KIF20B: variants seen among roughly 807,000 people sequenced by gnomAD.
KIF20B encodes the protein kinesin-like protein KIF20B.
A neutral mutation model predicts 232.5 loss-of-function variants in KIF20B; 188 were observed. The observed-to-expected ratio is 0.81, with a 90% confidence interval of 0.72 to 0.91. The LOEUF is 0.91. Among genes scored for constraint, KIF20B ranks in the 40% least tolerant of loss-of-function variants. The pLI is 0.00. For synonymous variants in KIF20B, 712 were observed against 683.0 expected (o/e 1.04, Z -0.66); for missense variants, 2,154 against 2,055.9 (o/e 1.05, Z -0.92).
At chr10:89,721,559 A>T (rs538658384) in intron 13 of KIF20B, among the ~76,000 whole-genome samples, 8 of 152,250 alleles carry the variant, frequency 5.3e-5, no homozygotes, top group Middle Eastern at 3.4e-3. Context: ...AGTCCCAGCT[A>T]CTTGGGAGGC....
chr10:89,762,960 A>G, intron 29 of KIF20B, 125 bp downstream of exon 29: 1 of 672,950 alleles, frequency 1.5e-6, no homozygotes, highest in Non-Finnish European at 2.6e-6. Context: ...CAAAATCACA[A>G]TTTATGCTAT....
intron 26 of KIF20B, among the ~76,000 whole-genome samples, chr10:89,754,999 T>A (rs971637081): frequency 2.0e-5 from 3 of 152,224 alleles, no homozygotes; most frequent in African/African-American, 7.2e-5. Flanking sequence ...AACTGTAGAT[T>A]CTAATACTGT....
chr10:89,725,366 G>GTT lies in KIF20B; in HGVS notation c.2001+209_2001+210dup, dbSNP rs1554850268. Among the ~76,000 whole-genome samples the GTT allele has an allele frequency of 5.6e-5, 8 of 142,050 alleles. No homozygotes were observed. In the East Asian group the frequency reaches 6.3e-4, roughly 11 times the overall value. The allele number at this position is 142,050 out of a possible 152,430, so 93.2% of individuals were successfully genotyped here. A position where few individuals can be genotyped will look rare whatever the true frequency, so the allele number is the denominator to read the frequency against. On this transcript the variant is annotated intron_variant, in intron 15 of 32. Transcript: ENST00000371728. ...TTGGTTTTGAAAAATTTATACCTCTGTTATATATATATATATCTTATTTTG... is the reference window on the plus strand; with the variant it reads ...TTGGTTTTGAAAAATTTATACCTCTGTTTTATATATATATATATCTTATTTTG...
intron 26 of KIF20B, among the ~76,000 whole-genome samples, chr10:89,755,146 A>G (rs571036025): frequency 6.6e-6 from 1 of 152,282 alleles, no homozygotes; most frequent in African/African-American, 2.4e-5. Flanking sequence ...TCTAATTGGC[A>G]CTTAGTCTGA....
At chr10:89,770,506 G>A (rs1390544620) in intron 31 of KIF20B, among the ~76,000 whole-genome samples, 1 of 151,846 alleles carries the variant, frequency 6.6e-6, no homozygotes, top group African/African-American at 2.4e-5. Flanking sequence ...GGAGAGGTAG[G>A]TACCTATAAT....
At chr10:89,756,938 T>C (rs1842130617) in intron 26 of KIF20B, among the ~76,000 whole-genome samples, 1 of 151,704 alleles carries the variant, frequency 6.6e-6, no homozygotes, top group Non-Finnish European at 1.5e-5. Flanking sequence ...ATTTGGATTG[T>C]TTTCTGGTTT....
In KIF20B at chr10:89,758,812, T is replaced by TA. The variant is rs754844470; in HGVS notation, c.4611dup (p.Ser1538IlefsTer3). ...TTAGAAATACAGCTAAAAGCACTGA[T>TA]ATCCAGTAATGTACAGAAAGATAAT... On this transcript the variant is annotated frameshift_variant, in exon 27 of 33. Transcript: ENST00000371728. LOFTEE classifies it high-confidence loss of function. The TA allele has an allele frequency of 1.2e-6, 2 of 1,606,474 alleles. No individual in the cohort carries two copies. Among genetic ancestry groups the TA allele is most frequent in the South Asian group, 2.2e-5 (2 of 89,908 alleles).
intron 24 of KIF20B, 36 bp downstream of exon 24, chr10:89,751,507 T>G: frequency 6.4e-7 from 1 of 1,562,520 alleles, no homozygotes; most frequent in Non-Finnish European, 8.6e-7. Flanking sequence ...CTAAATATAC[T>G]TTTTCATTTA....
chr10:89,719,401 C>T lies in KIF20B; in HGVS notation c.1435-18C>T. The T allele has an allele frequency of 6.6e-7, 1 of 1,513,186 alleles. No homozygotes were observed. The highest frequency in any genetic ancestry group is 8.9e-7 in the Non-Finnish European group (1 of 1,125,784). The allele number at this position is 1,513,186 out of a possible 1,614,324, so 93.7% of individuals were successfully genotyped here. Reference sequence around the variant, plus strand: ...CTTGTCTTTTCTGTTTTAAAAGTCACATTGAATATTTTAACAGGTTTGTGT... The same window carrying T: ...CTTGTCTTTTCTGTTTTAAAAGTCATATTGAATATTTTAACAGGTTTGTGT... On this transcript the variant is annotated intron_variant, in intron 12 of 32. Coordinates refer to ENST00000371728, the MANE Select transcript of KIF20B (RefSeq NM_001284259.2).
chr10:89,742,063 A>G (rs955812591), intron 21 of KIF20B, among the ~76,000 whole-genome samples: 1 of 152,218 alleles, frequency 6.6e-6, no homozygotes, highest in African/African-American at 2.4e-5. Context: ...TAAAGAAAAA[A>G]AATTGTAATC....
At position 89,726,526 on chromosome 10, in the gene KIF20B, G is replaced by A; in HGVS notation, c.2230+5G>A. On this transcript the variant is annotated splice_donor_5th_base_variant and intron_variant, in intron 16 of 32. Coordinates refer to ENST00000371728, the MANE Select transcript of KIF20B (RefSeq NM_001284259.2). The stretch of plus-strand genomic sequence containing the variant: ...AGTTAAAAAAGAGAGAAAATGGTAA[G>A]TGGATACATTTTACTTTTATTTAGA... The A allele has an allele frequency of 6.4e-7, 1 of 1,562,494 alleles. No homozygotes were observed. The highest frequency in any genetic ancestry group is 8.7e-7 in the Non-Finnish European group (1 of 1,150,436).
At chr10:89,735,879 A>T (rs1054901432) in intron 19 of KIF20B, among the ~76,000 whole-genome samples, 9 of 152,190 alleles carry the variant, frequency 5.9e-5, no homozygotes, top group Non-Finnish European at 1.2e-4. Context: ...TTCAAGCCAA[A>T]CCTACATTAT....
chr10:89,729,894 T>C (rs528667101), intron 18 of KIF20B, among the ~76,000 whole-genome samples: 1 of 152,296 alleles, frequency 6.6e-6, no homozygotes, highest in South Asian at 2.1e-4. Flanking sequence ...TTAGAAATGG[T>C]AAAATATATG....
intron 14 of KIF20B, among the ~76,000 whole-genome samples, chr10:89,724,373 A>T (rs573213300): frequency 6.6e-6 from 1 of 152,178 alleles, no homozygotes; most frequent in Admixed American, 6.5e-5. Flanking sequence ...CTAAAAATAG[A>T]AAAATTAGCT....
intron 26 of KIF20B, among the ~76,000 whole-genome samples, 190 bp downstream of exon 26, chr10:89,754,863 A>G (rs1466244073): frequency 6.6e-6 from 1 of 152,198 alleles, no homozygotes; most frequent in African/African-American, 2.4e-5. Context: ...AACTTGTTTC[A>G]GTTGATTTAG....
At chr10:89,716,871 A>G (rs1842945262) in intron 9 of KIF20B, among the ~76,000 whole-genome samples, 1 of 152,144 alleles carries the variant, frequency 6.6e-6, no homozygotes, top group South Asian at 2.1e-4. Flanking sequence ...CCTGAATACT[A>G]TATAAATATA....
At position 89,718,717 on chromosome 10, in the gene KIF20B, C is replaced by T. The variant is rs1842986621; in HGVS notation, c.1279C>T (p.Gln427Ter). ...LKNSEKSKFQ[Q>*]HVPFRESKLT... ...TGAAAATTTTTTCTGTAGGTTTCAA[C>T]AGCATGTGCCTTTCCGGGAAAGTAA... The change falls in exon 12 of 33, where the codon CAG (glutamine) becomes TAG (stop). Residue 427 changes from glutamine (Q) to a stop codon, truncating the protein, a stop_gained. Coordinates refer to ENST00000371728, the MANE Select transcript of KIF20B (RefSeq NM_001284259.2). LOFTEE classifies it high-confidence loss of function. 6.2e-7 allele frequency: 1 copy of T among 1,605,552 alleles called. No individual in the cohort carries two copies. Among genetic ancestry groups the T allele is most frequent in the Non-Finnish European group, 8.5e-7 (1 of 1,177,776 alleles).
intron 9 of KIF20B, among the ~76,000 whole-genome samples, chr10:89,717,088 A>G (rs558540002): frequency 9.2e-5 from 14 of 152,338 alleles, no homozygotes; most frequent in African/African-American, 3.1e-4. Context: ...TTAGGTATGT[A>G]TTCAGAGTAT....
chr10:89,714,140 A>T, intron 7 of KIF20B, 57 bp downstream of exon 7: 1 of 983,640 alleles, frequency 1.0e-6, no homozygotes, highest in Non-Finnish European at 1.5e-6. Flanking sequence ...GTACACTTGA[A>T]AAGCTTTTAA....
Sources: gnomAD v4.1 joint callset for allele counts (sites outside exome capture counted in the v4.1 genomes callset) on GRCh38, gnomAD v4.1.1 for gene constraint, MANE v1.5 for transcripts, NCBI Gene and HGNC (gene_info 2026-07-23, HGNC 2026-07-21) for gene names.